CCDC170: variants seen among roughly 807,000 people sequenced by gnomAD.
CCDC170 encodes coiled-coil domain-containing protein 170.
CCDC170 carries 69 observed loss-of-function variants against 72.6 expected under a neutral mutation model. The ratio of observed to expected loss-of-function variants is 0.95; its 90% CI spans 0.78 to 1.16. CCDC170 has a LOEUF of 1.16. Among genes scored for constraint, CCDC170 ranks in the 50% most tolerant of loss-of-function variants. CCDC170 has a pLI of 0.00. For missense variants in CCDC170, 852 were observed against 832.5 expected (o/e 1.02, Z -0.29); for synonymous variants, 300 against 303.9 (o/e 0.99, Z 0.13).
chr6:151,521,084 G>A (rs965342857), intron 1 of CCDC170, among the ~76,000 whole-genome samples: 3 of 152,212 alleles, frequency 2.0e-5, no homozygotes, highest in African/African-American at 7.2e-5. Context: ...TTAGAAGAAT[G>A]AGAGGATTAC....
chr6:151,499,263 A>T (rs1356884464), intron 1 of CCDC170, among the ~76,000 whole-genome samples: 1 of 125,238 alleles, frequency 8.0e-6, no homozygotes, highest in Non-Finnish European at 1.6e-5. Flanking sequence ...ATCAGACTGT[A>T]TTTGACTCTT....
At chr6:151,501,083 T>C (rs1248991814) in intron 1 of CCDC170, among the ~76,000 whole-genome samples, 2 of 152,166 alleles carry the variant, frequency 1.3e-5, no homozygotes, top group Non-Finnish European at 2.9e-5. Context: ...TGTACTCTAT[T>C]GGTAGGAAGT....
chr6:151,591,186 T>C (rs549739479), intron 7 of CCDC170, among the ~76,000 whole-genome samples: 1 of 152,312 alleles, frequency 6.6e-6, no homozygotes, highest in East Asian at 1.9e-4. Context: ...TGGCAGGAAG[T>C]TGTACCTATT....
intron 9 of CCDC170, among the ~76,000 whole-genome samples, chr6:151,612,678 T>A (rs1473847822): frequency 6.6e-6 from 1 of 152,062 alleles, no homozygotes; most frequent in Non-Finnish European, 1.5e-5. Flanking sequence ...ATCTCCCCCT[T>A]TACCCAAATT....
chr6:151,540,373 C>CTTTTTTTTT (rs779650559), intron 3 of CCDC170, among the ~76,000 whole-genome samples: 872 of 37,982 alleles, frequency 0.023, 276 homozygotes, highest in Non-Finnish European at 0.032. Flanking sequence ...TCTGCTGCTG[C>CTTTTTTTTT]TTTTTTTTTT....
intron 8 of CCDC170, among the ~76,000 whole-genome samples, chr6:151,594,258 G>T (rs1003775428): frequency 6.6e-6 from 1 of 152,096 alleles, no homozygotes; most frequent in Non-Finnish European, 1.5e-5. Flanking sequence ...CTCCCAATTC[G>T]GTTCCATCAA....
At chr6:151,496,814 G>A (rs1781918132) in intron 1 of CCDC170, among the ~76,000 whole-genome samples, 1 of 152,278 alleles carries the variant, frequency 6.6e-6, no homozygotes, top group Non-Finnish European at 1.5e-5. Context: ...CAGCATTTTA[G>A]TTTTTTCTTC....
chr6:151,514,048 T>C (rs1782191691), intron 1 of CCDC170, among the ~76,000 whole-genome samples: 1 of 150,580 alleles, frequency 6.6e-6, no homozygotes, highest in African/African-American at 2.4e-5. Flanking sequence ...CCAAGATAAA[T>C]AAAGCAAGAT....
chr6:151,583,838 G>A (rs1776413270), intron 6 of CCDC170, among the ~76,000 whole-genome samples: 1 of 152,154 alleles, frequency 6.6e-6, no homozygotes, highest in African/African-American at 2.4e-5. Context: ...TGTGTCTCAG[G>A]AAATAGGGAG....
chr6:151,588,653 A>C (rs1038581232), intron 7 of CCDC170, among the ~76,000 whole-genome samples: 1 of 152,148 alleles, frequency 6.6e-6, no homozygotes, highest in East Asian at 1.9e-4. Context: ...TTTGTAAAGA[A>C]ATATTGGCTG....
chr6:151,511,128 T>C (rs1782143257), intron 1 of CCDC170, among the ~76,000 whole-genome samples: 1 of 152,232 alleles, frequency 6.6e-6, no homozygotes, highest in African/African-American at 2.4e-5. Flanking sequence ...CCAGTGTATC[T>C]TGGTCGACTG....
chr6:151,506,004 G>T (rs1677957000), intron 1 of CCDC170, among the ~76,000 whole-genome samples: 1 of 152,144 alleles, frequency 6.6e-6, no homozygotes, highest in Non-Finnish European at 1.5e-5. Context: ...AGGAGGTTGG[G>T]GCAGGAGGGT....
At position 151,548,366 on chromosome 6, in the gene CCDC170, T is replaced by C; in HGVS notation, c.651T>C (p.Thr217=). The C allele has an allele frequency of 6.2e-7, 1 of 1,612,848 alleles. No homozygotes were observed. Among genetic ancestry groups the C allele is most frequent in the Non-Finnish European group, 8.5e-7 (1 of 1,179,288 alleles). ...VKGQIVILEE[T]INVHEMEAKA... Reference sequence around the variant, plus strand: ...GACAAATTGTTATTCTTGAAGAGACTATAAATGTCCATGAGATGGAAGCAA... The same window carrying C: ...GACAAATTGTTATTCTTGAAGAGACCATAAATGTCCATGAGATGGAAGCAA... Residue 217 remains threonine, a synonymous_variant, in exon 5 of 11, where the codon ACT becomes ACC. Coordinates refer to ENST00000239374, the MANE Select transcript of CCDC170 (RefSeq NM_025059.4).
intron 1 of CCDC170, among the ~76,000 whole-genome samples, chr6:151,497,792 A>G (rs1781930915): frequency 6.6e-6 from 1 of 151,916 alleles, no homozygotes; most frequent in Admixed American, 6.6e-5. Context: ...CCTGGCTAAC[A>G]TGGTAAAACC....
rs1311163744 is a variant in CCDC170, at chr6:151,498,936, A to ACTCT, written c.57+4752_57+4753insTCTC. 7.9e-5 allele frequency among the ~76,000 whole-genome samples: 12 copies of ACTCT among 151,458 alleles called. No individual in the cohort carries two copies. In the East Asian group the frequency reaches 2.0e-3, roughly 25 times the overall value. ...CAGACTGTATTTGACTCTTCTAGGC[A>ACTCT]CACTGTATAAGTGGAATCAGACTGT... On this transcript the variant is annotated intron_variant, in intron 1 of 10. Transcript: ENST00000239374.
At chr6:151,537,302 G>T (rs1004350716) in intron 2 of CCDC170, among the ~76,000 whole-genome samples, 4 of 152,266 alleles carry the variant, frequency 2.6e-5, no homozygotes, top group Middle Eastern at 3.4e-3. Flanking sequence ...TTCTCACTAA[G>T]GCTGCCAGGA....
chr6:151,563,113 T>G (rs1452828805), intron 5 of CCDC170, among the ~76,000 whole-genome samples: 1 of 152,124 alleles, frequency 6.6e-6, no homozygotes, highest in African/African-American at 2.4e-5. Context: ...CTGTCTTCCT[T>G]TTCCGGGATG....
chr6:151,615,829 A>G lies in CCDC170; in HGVS notation c.1947+150A>G, dbSNP rs986792080. The G allele has an allele frequency of 8.0e-5, 52 of 650,708 alleles. No homozygotes were observed. In the South Asian group the frequency reaches 1.0e-3, roughly 12 times the overall value. 40.3% of individuals were successfully genotyped at this position (650,708 alleles called of 1,614,324 possible). The stretch of plus-strand genomic sequence containing the variant: ...TCATCGTTTTACGAGGGCCGTGCTA[A>G]TTTTCTCTGTATCGTTCCAATGTTA... On this transcript the variant is annotated intron_variant, in intron 10 of 10. Coordinates refer to ENST00000239374, the MANE Select transcript of CCDC170 (RefSeq NM_025059.4).
chr6:151,569,872 C>G (rs1776194498), intron 5 of CCDC170, among the ~76,000 whole-genome samples: 1 of 152,166 alleles, frequency 6.6e-6, no homozygotes. Context: ...ATACAAGAAA[C>G]AGCTTAGGGT....
Sources: gnomAD v4.1 joint callset for allele counts (sites outside exome capture counted in the v4.1 genomes callset) on GRCh38, gnomAD v4.1.1 for gene constraint, MANE v1.5 for transcripts, NCBI Gene and HGNC (gene_info 2026-07-23, HGNC 2026-07-21) for gene names.